LUC7L2: variants seen among roughly 807,000 people sequenced by gnomAD.
The protein encoded by LUC7L2 is LUC7 like 2, pre-mRNA splicing factor.
LUC7L2 carries 25 observed loss-of-function variants against 52.8 expected under a neutral mutation model. That is an observed-to-expected ratio of 0.47 (90% CI 0.34 to 0.66). The LOEUF is 0.66. Among genes scored for constraint, LUC7L2 ranks in the 30% least tolerant of loss-of-function variants. The pLI, the probability that LUC7L2 is intolerant of heterozygous loss-of-function variation, is 0.01. For missense variants in LUC7L2, 328 were observed against 497.8 expected, an observed-to-expected ratio of 0.66 and a Z score of 3.25; for synonymous variants, 144 against 160.9, an observed-to-expected ratio of 0.89 and a Z score of 0.80.
intron 3 of LUC7L2, 53 bp from the exon 4 acceptor site, chr7:139,402,084 T>G: frequency 6.6e-7 from 1 of 1,512,252 alleles, no homozygotes; most frequent in Non-Finnish European, 8.8e-7. Flanking sequence ...ATGAAGATAT[T>G]TCTGAATAAA....
At chr7:139,388,162 A>G (rs946983072) in intron 2 of LUC7L2, among the ~76,000 whole-genome samples, 2 of 152,144 alleles carry the variant, frequency 1.3e-5, no homozygotes, top group Non-Finnish European at 2.9e-5. Flanking sequence ...TCATTTGTGT[A>G]TATATTCTCA....
chr7:139,365,922 A>G (rs1800129253), intron 1 of LUC7L2, among the ~76,000 whole-genome samples: 1 of 152,202 alleles, frequency 6.6e-6, no homozygotes, highest in African/African-American at 2.4e-5. Context: ...GTTCTCATGC[A>G]CTAGCAGCTG....
At chr7:139,370,621 A>G (rs1472411969) in intron 1 of LUC7L2, among the ~76,000 whole-genome samples, 1 of 151,870 alleles carries the variant, frequency 6.6e-6, no homozygotes. Context: ...CACCCAGCTA[A>G]TTTTTATATT....
rs1795939919 is a variant in LUC7L2 at position 139,422,270 on chromosome 7, C to G, written c.1109C>G (p.Ser370Cys). Residue 370 changes from serine (S) to cysteine (C), a missense_variant, in exon 10 of 10, where the codon TCC becomes TGC. Ser to Cys is a moderately radical substitution (Grantham distance 112). Around this residue, in one of 2 missense-constraint regions of LUC7L2, gnomAD observed 195 missense variants for 223.3 expected, o/e 0.87. Coordinates refer to ENST00000354926, the MANE Select transcript of LUC7L2 (RefSeq NM_016019.5). The part of the protein sequence containing the change: ...RDRDRKDKKR[S>C]YESANGRSED... Reference sequence around the variant, plus strand: ...AGAGATCGGAAAGATAAGAAGCGGTCCTATGAGAGTGCTAATGGCAGATCA... The same window carrying G: ...AGAGATCGGAAAGATAAGAAGCGGTGCTATGAGAGTGCTAATGGCAGATCA... 6.2e-7 allele frequency: 1 copy of G among 1,614,120 alleles called. No homozygotes were observed.
At chr7:139,370,073 G>C (rs904325242) in intron 1 of LUC7L2, among the ~76,000 whole-genome samples, 1 of 152,132 alleles carries the variant, frequency 6.6e-6, no homozygotes, top group Admixed American at 6.6e-5. Flanking sequence ...TGCCTGGAAA[G>C]TTTTACATAG....
At chr7:139,403,134 G>A (rs1342573563) in intron 4 of LUC7L2, among the ~76,000 whole-genome samples, 3 of 152,104 alleles carry the variant, frequency 2.0e-5, no homozygotes, top group Non-Finnish European at 2.9e-5. Context: ...CCATTGTACA[G>A]ATATACCACA....
rs561692927 is a variant in LUC7L2 at position 139,403,221 on chromosome 7, C to G, written c.366+974C>G. On this transcript the variant is annotated intron_variant, in intron 4 of 9. Coordinates refer to ENST00000354926, the MANE Select transcript of LUC7L2 (RefSeq NM_016019.5). The stretch of plus-strand genomic sequence containing the variant: ...TAAGTTATAACCACAGTAATACATA[C>G]ATAAAGTTAACAGTAATTTTTTAAT... 3.3e-5 allele frequency among the ~76,000 whole-genome samples: 5 copies of G among 152,280 alleles called. No homozygotes were observed. The East Asian group carries it at 7.7e-4, about 23-fold the overall frequency.
At chr7:139,390,938 C>A (rs947064648) in intron 2 of LUC7L2, among the ~76,000 whole-genome samples, 1 of 152,210 alleles carries the variant, frequency 6.6e-6, no homozygotes, top group African/African-American at 2.4e-5. Flanking sequence ...CTTCTCAGAT[C>A]TAAACCTTGT....
At chr7:139,396,250 C>A (rs2131269525) in intron 2 of LUC7L2, among the ~76,000 whole-genome samples, 1 of 151,808 alleles carries the variant, frequency 6.6e-6, no homozygotes, top group Non-Finnish European at 1.5e-5. Flanking sequence ...CCAGCCTGGG[C>A]AAGATAGCAC....
intron 2 of LUC7L2, among the ~76,000 whole-genome samples, chr7:139,390,551 A>T (rs1794401988): frequency 7.1e-6 from 1 of 140,558 alleles, no homozygotes; most frequent in Non-Finnish European, 1.5e-5. Context: ...TTACTTAGAC[A>T]ATGTAGTTTT....
At chr7:139,402,024 C>G (rs1794938387) in intron 3 of LUC7L2, 113 bp from the exon 4 acceptor site, 1 of 1,128,082 alleles carries the variant, frequency 8.9e-7, no homozygotes, top group African/African-American at 1.6e-5. Flanking sequence ...TGACGTGAGC[C>G]ACCGTGCCCC....
chr7:139,405,891 A>T, intron 5 of LUC7L2, 104 bp downstream of exon 5: 1 of 1,378,508 alleles, frequency 7.3e-7, no homozygotes, highest in East Asian at 2.7e-5. Context: ...AAGAACATGT[A>T]TTTGAATGGA....
At position 139,359,959 on chromosome 7, in the gene LUC7L2, G is replaced by C. The variant is rs1237521756; in HGVS notation, c.-303G>C. 7.0e-6 allele frequency: 3 copies of C among 425,994 alleles called. No individual in the cohort carries two copies. The highest frequency in any genetic ancestry group is 1.2e-5 in the Non-Finnish European group (3 of 240,604). The allele number at this position is 425,994 out of a possible 1,614,324, so 26.4% of individuals were successfully genotyped here. A position where few individuals can be genotyped will look rare whatever the true frequency, so the allele number is the denominator to read the frequency against. On this transcript the variant is annotated 5_prime_UTR_variant, in exon 1 of 10. Coordinates refer to ENST00000354926, the MANE Select transcript of LUC7L2 (RefSeq NM_016019.5). ...CTTGAGGGGGGGTTGACGGCTTCTG[G>C]CGGGTGGCGGTGTTGAAGGCGAGAG...
chr7:139,357,977 A>T (rs1187078306), upstream of LUC7L2, among the ~76,000 whole-genome samples: 1 of 151,756 alleles, frequency 6.6e-6, no homozygotes, highest in Non-Finnish European at 1.5e-5. Flanking sequence ...GGTGTGAGCC[A>T]CTGCGTCCGA....
At chr7:139,403,721 G>A (rs1795009476) in intron 4 of LUC7L2, among the ~76,000 whole-genome samples, 1 of 152,188 alleles carries the variant, frequency 6.6e-6, no homozygotes, top group Admixed American at 6.5e-5. Flanking sequence ...TTTAGCCCAT[G>A]ACTCTGCAGT....
At chr7:139,365,985 C>T (rs888638041) in intron 1 of LUC7L2, among the ~76,000 whole-genome samples, 1 of 152,110 alleles carries the variant, frequency 6.6e-6, no homozygotes, top group Non-Finnish European at 1.5e-5. Flanking sequence ...TTCAGTTTTG[C>T]AAGATTATTG....
chr7:139,408,723 T>C (rs1319665458), intron 6 of LUC7L2, among the ~76,000 whole-genome samples: 1 of 151,678 alleles, frequency 6.6e-6, no homozygotes, highest in African/African-American at 2.4e-5. Context: ...GTGCCTGTAG[T>C]CCCAGCTACT....
rs1585131225 is a variant in LUC7L2 at position 139,412,536 on chromosome 7, A to T, written c.780-15A>T. The T allele has an allele frequency of 7.0e-6, 10 of 1,428,240 alleles. No individual in the cohort carries two copies. Among genetic ancestry groups the T allele is most frequent in the Non-Finnish European group, 9.6e-6 (10 of 1,044,472 alleles). 88.5% of individuals were successfully genotyped at this position (1,428,240 alleles called of 1,614,324 possible). On this transcript the variant is annotated splice_polypyrimidine_tract_variant and intron_variant, in intron 7 of 9. Transcript: ENST00000354926. ...TATAGCCACTTTTCTAAAAATACAT[A>T]TTTTTTTTTTTTAGGTCCCGATCAC...
chr7:139,410,132 G>T (rs868649848), intron 7 of LUC7L2, among the ~76,000 whole-genome samples: 1 of 149,954 alleles, frequency 6.7e-6, no homozygotes, highest in Admixed American at 6.6e-5. Flanking sequence ...GCGTGAACCT[G>T]GGGGGGCAGA....
Sources: gnomAD v4.1 joint callset for allele counts (sites outside exome capture counted in the v4.1 genomes callset) on GRCh38, gnomAD v4.1.1 for gene constraint, gnomAD v4.1.1 regional missense constraint, MANE v1.5 for transcripts, NCBI Gene and HGNC (gene_info 2026-07-23, HGNC 2026-07-21) for gene names.